The following PPP1R9A variants were observed in gnomAD, a reference collection of about 807,000 sequenced individuals.
PPP1R9A encodes the protein protein phosphatase 1 regulatory subunit 9A, also known as neurabin-1.
A neutral mutation model predicts 141.9 loss-of-function variants in PPP1R9A; 59 were observed. That is an observed-to-expected ratio of 0.42 (90% CI 0.34 to 0.52). The LOEUF (loss-of-function observed/expected upper bound fraction) is 0.52. Among genes scored for constraint, PPP1R9A ranks in the 20% least tolerant of loss-of-function variants. PPP1R9A has a pLI of 0.10. For missense variants in PPP1R9A, 1,444 were observed against 1,611.9 expected, an observed-to-expected ratio of 0.90 and a Z score of 1.78; for synonymous variants, 500 against 569.7, an observed-to-expected ratio of 0.88 and a Z score of 1.74.
chr7:95,288,802 C>A, intron 19 of PPP1R9A, 84 bp downstream of exon 19: 1 of 1,442,620 alleles, frequency 6.9e-7, no homozygotes, highest in Non-Finnish European at 9.4e-7. Context: ...TAGGTAAGAG[C>A]ATTCTGCATA....
intron 2 of PPP1R9A, among the ~76,000 whole-genome samples, chr7:95,074,090 G>A (rs28684442): frequency 0.073 from 11,095 of 152,138 alleles, 548 homozygotes; most frequent in African/African-American, 0.14. Flanking sequence ...ACATCTTAAT[G>A]TGTCTCAGTT....
intron 12 of PPP1R9A, among the ~76,000 whole-genome samples, chr7:95,255,577 A>G (rs1799464833): frequency 6.6e-6 from 1 of 152,168 alleles, no homozygotes; most frequent in Non-Finnish European, 1.5e-5. Context: ...GCTACTAGGC[A>G]GAAAGAAAGT....
At chr7:95,176,613 A>T (rs1832940927) in intron 5 of PPP1R9A, 1 of 152,146 alleles carries the variant, frequency 6.6e-6, no homozygotes, top group Admixed American at 6.6e-5. Context: ...GAAATCCAAA[A>T]AAAAAACAAT....
intron 5 of PPP1R9A, among the ~76,000 whole-genome samples, chr7:95,163,336 C>T (rs1585026030): frequency 6.6e-6 from 1 of 152,166 alleles, no homozygotes. Flanking sequence ...TTCACATTCT[C>T]ACTTCCTCAG....
chr7:95,233,140 C>T (rs963680228), intron 8 of PPP1R9A, among the ~76,000 whole-genome samples: 1 of 152,100 alleles, frequency 6.6e-6, no homozygotes, highest in Non-Finnish European at 1.5e-5. Flanking sequence ...CATTGATAGA[C>T]TGGATAAAGA....
Position 95,288,517 on chromosome 7 carries a change from C to T in PPP1R9A, c.3730-19C>T, listed in dbSNP as rs373863819. 1.8e-5 allele frequency: 29 copies of T among 1,611,932 alleles called. No individual in the cohort carries two copies. The African/African-American group carries it at 2.7e-4, about 15-fold the overall frequency. On this transcript the variant is annotated intron_variant, in intron 18 of 19. Coordinates refer to ENST00000433360, the MANE Select transcript of PPP1R9A (RefSeq NM_001166160.2). ...GTATCTTGGTCCTTTAACAACACTA[C>T]GTAACATTCCTATCTTAGATCCTTG...
intron 3 of PPP1R9A, among the ~76,000 whole-genome samples, chr7:95,115,129 T>C (rs1260496409): frequency 6.6e-6 from 1 of 152,120 alleles, no homozygotes; most frequent in Non-Finnish European, 1.5e-5. Flanking sequence ...ATACAAATCC[T>C]TTTCATTGAA....
chr7:94,946,503 G>A (rs1795911604), intron 2 of PPP1R9A, among the ~76,000 whole-genome samples: 1 of 151,722 alleles, frequency 6.6e-6, no homozygotes, highest in South Asian at 2.1e-4. Context: ...ACTTTTTTCA[G>A]GTCATGTGTC....
At chr7:95,090,299 T>C (rs1032922924) in intron 2 of PPP1R9A, among the ~76,000 whole-genome samples, 1 of 151,978 alleles carries the variant, frequency 6.6e-6, no homozygotes, top group Non-Finnish European at 1.5e-5. Flanking sequence ...GGTCTTTTTG[T>C]ATCATAGTCT....
At chr7:95,124,893 A>G (rs1030631376) in intron 4 of PPP1R9A, among the ~76,000 whole-genome samples, 2 of 151,880 alleles carry the variant, frequency 1.3e-5, no homozygotes, top group South Asian at 4.2e-4. Context: ...TCCTGTTTAA[A>G]TGGCTTGTAA....
intron 2 of PPP1R9A, among the ~76,000 whole-genome samples, chr7:95,108,298 G>T (rs1223406084): frequency 1.4e-3 from 107 of 76,238 alleles, no homozygotes; most frequent in African/African-American, 1.6e-3. Flanking sequence ...TTTCTTTTTC[G>T]TTTCTTTTCT....
At chr7:95,163,606 T>C (rs551919879) in intron 5 of PPP1R9A, among the ~76,000 whole-genome samples, 37 of 152,346 alleles carry the variant, frequency 2.4e-4, no homozygotes, top group Non-Finnish European at 2.6e-4. Context: ...AATGAATATT[T>C]CCTTTGGGTG....
intron 2 of PPP1R9A, among the ~76,000 whole-genome samples, chr7:94,918,210 T>C (rs1792332641): frequency 6.6e-6 from 1 of 152,174 alleles, no homozygotes; most frequent in African/African-American, 2.4e-5. Context: ...CTTTTACAGT[T>C]TTCTCCTGGT....
chr7:95,123,956 A>C (rs1012888955), intron 4 of PPP1R9A, among the ~76,000 whole-genome samples: 2 of 152,224 alleles, frequency 1.3e-5, no homozygotes, highest in African/African-American at 4.8e-5. Flanking sequence ...GGTGTACAAC[A>C]TAAGTACAGA....
chr7:95,054,146 T>C (rs560261259), intron 2 of PPP1R9A, among the ~76,000 whole-genome samples: 59 of 150,366 alleles, frequency 3.9e-4, no homozygotes, highest in African/African-American at 1.4e-3. Flanking sequence ...AGAGGGAGTC[T>C]TGCTCTCTTG....
chr7:94,925,816 T>C (rs1400009098), intron 2 of PPP1R9A, among the ~76,000 whole-genome samples: 1 of 151,898 alleles, frequency 6.6e-6, no homozygotes, highest in Non-Finnish European at 1.5e-5. Flanking sequence ...GTTGGGATGA[T>C]ATTAATATTA....
intron 2 of PPP1R9A, among the ~76,000 whole-genome samples, chr7:95,056,185 C>T (rs530802442): frequency 8.5e-5 from 13 of 152,164 alleles, no homozygotes; most frequent in South Asian, 2.1e-4. Flanking sequence ...ATCATGGGCA[C>T]ACTTGATACC....
chr7:95,009,165 G>A (rs140565057), intron 2 of PPP1R9A, among the ~76,000 whole-genome samples: 2 of 152,236 alleles, frequency 1.3e-5, no homozygotes, highest in African/African-American at 4.8e-5. Flanking sequence ...GTCGGGGAAG[G>A]GGGGAGGGAT....
chr7:95,017,785 A>G (rs1463644172), intron 2 of PPP1R9A, among the ~76,000 whole-genome samples: 2 of 152,200 alleles, frequency 1.3e-5, no homozygotes, highest in African/African-American at 4.8e-5. Context: ...AGGCCCACAC[A>G]TATATGATCA....
Sources: gnomAD v4.1 joint callset for allele counts (sites outside exome capture counted in the v4.1 genomes callset) on GRCh38, gnomAD v4.1.1 for gene constraint, MANE v1.5 for transcripts, NCBI Gene and HGNC (gene_info 2026-07-23, HGNC 2026-07-21) for gene names.